HTT: variants seen among roughly 807,000 people sequenced by gnomAD.
HTT encodes the protein huntingtin, also known as huntington disease protein.
Under a neutral mutation model 362.3 loss-of-function variants are expected in HTT, and 104 were observed. That is an observed-to-expected ratio of 0.29 (90% CI 0.24 to 0.34). The LOEUF is 0.34. HTT is among the 10% of genes least tolerant of loss of function. HTT has a pLI of 1.00. For missense variants in HTT, 3,301 were observed against 3,928.6 expected (o/e 0.84, Z 4.27); for synonymous variants, 1,577 against 1,548.7 (o/e 1.02, Z -0.43).
intron 11 of HTT, 80 bp from the exon 12 acceptor site, chr4:3,127,184 T>G: frequency 9.8e-7 from 1 of 1,015,252 alleles, no homozygotes; most frequent in Non-Finnish European, 1.5e-6. Flanking sequence ...GGTGGAACTG[T>G]TCGTTATTTT....
intron 38 of HTT, 80 bp downstream of exon 38, chr4:3,186,799 C>G: frequency 3.4e-6 from 4 of 1,161,066 alleles, no homozygotes; most frequent in Non-Finnish European, 4.9e-6. Flanking sequence ...CCCAGAATGT[C>G]TGAGTCAGTC....
chr4:3,163,582 A>G (rs781259864), intron 29 of HTT, among the ~76,000 whole-genome samples: 11 of 152,112 alleles, frequency 7.2e-5, no homozygotes, highest in Non-Finnish European at 1.5e-4. Flanking sequence ...GCTATTAACT[A>G]TTGCCTCAAG....
At chr4:3,129,796 A>C in intron 12 of HTT, 128 bp from the exon 13 acceptor site, 1 of 1,108,640 alleles carries the variant, frequency 9.0e-7, no homozygotes, top group Admixed American at 1.9e-5. Flanking sequence ...CTTGAAATAA[A>C]TGACAGATGA....
intron 5 of HTT, 24 bp downstream of exon 5, chr4:3,105,460 G>A: frequency 6.6e-7 from 1 of 1,507,878 alleles, no homozygotes; most frequent in Non-Finnish European, 9.2e-7. Context: ...TCTGGATGTT[G>A]GTTTTTGTCG....
intron 2 of HTT, among the ~76,000 whole-genome samples, chr4:3,087,422 C>T (rs1713264537): frequency 6.6e-6 from 1 of 152,188 alleles, no homozygotes; most frequent in Non-Finnish European, 1.5e-5. Flanking sequence ...TCCTATTGTA[C>T]CTCTGCTCCT....
At chr4:3,229,419 CAG>C (rs369402620) in intron 59 of HTT, among the ~76,000 whole-genome samples, 22,601 of 149,050 alleles carry the variant, frequency 0.15, 2,245 homozygotes, top group African/African-American at 0.29. Context: ...GTGCCACACA[CAG>C]CACACAACCA....
In HTT at chr4:3,243,563, C is replaced by G. The variant is rs1483305684; in HGVS notation, c.*3504C>G. ...AAGGCAACCTGGAAGGTTCAGGGGC[C>G]GCTCTTCCCCCATGTGCCTGTCACG... On this transcript the variant is annotated 3_prime_UTR_variant, in exon 67 of 67. Transcript: ENST00000355072. The G allele has an allele frequency of 6.6e-6, 1 of 152,278 alleles. No individual in the cohort carries two copies. The highest frequency in any genetic ancestry group is 1.5e-5 in the Non-Finnish European group (1 of 68,062). 9.4% of individuals were successfully genotyped at this position (152,278 alleles called of 1,614,324 possible).
In HTT at chr4:3,130,482, T is replaced by A. The variant is rs1715756387; in HGVS notation, c.1986+59T>A. 9.9e-6 allele frequency: 9 copies of A among 906,354 alleles called. No homozygotes were observed. In the Admixed American group the frequency reaches 1.1e-4, roughly 11 times the overall value. The allele number at this position is 906,354 out of a possible 1,614,324, so 56.1% of individuals were successfully genotyped here. On this transcript the variant is annotated intron_variant, in intron 14 of 66. Coordinates refer to ENST00000355072, the MANE Select transcript of HTT (RefSeq NM_001388492.1). ...TCTGAGCTTGTGTGAGGATTTAAAA[T>A]CGCCCTGGCTACTGTCTACTTTATT...
At chr4:3,135,650 C>T (rs779694115) in intron 19 of HTT, among the ~76,000 whole-genome samples, 2 of 152,152 alleles carry the variant, frequency 1.3e-5, no homozygotes, top group East Asian at 1.9e-4. Flanking sequence ...AGGGCACTTA[C>T]AGAGTCTTTT....
intron 57 of HTT, among the ~76,000 whole-genome samples, chr4:3,226,895 A>G (rs1374226050): frequency 1.3e-5 from 2 of 152,218 alleles, no homozygotes; most frequent in South Asian, 2.1e-4. Flanking sequence ...TTTTCTAGAC[A>G]TAGTTGGAAA....
chr4:3,085,018 GAA>G (rs551509828), intron 1 of HTT, among the ~76,000 whole-genome samples: 1 of 148,632 alleles, frequency 6.7e-6, no homozygotes, highest in African/African-American at 2.5e-5. Flanking sequence ...CGTCTCGGGG[GAA>G]AAAAAAAAAT....
intron 6 of HTT, among the ~76,000 whole-genome samples, chr4:3,114,833 G>A (rs1268294031): frequency 6.6e-6 from 1 of 152,160 alleles, no homozygotes; most frequent in East Asian, 1.9e-4. Context: ...GGTAGTATGC[G>A]GTCATGTCCA....
chr4:3,175,696 A>G (rs1444361171), intron 33 of HTT, among the ~76,000 whole-genome samples: 4 of 152,186 alleles, frequency 2.6e-5, no homozygotes, highest in Admixed American at 2.0e-4. Context: ...GATTCTGGCT[A>G]GTCCTGTCCC....
intron 21 of HTT, among the ~76,000 whole-genome samples, chr4:3,140,201 C>T (rs1217672636): frequency 6.7e-6 from 1 of 148,498 alleles, no homozygotes; most frequent in African/African-American, 2.5e-5. Context: ...GCAGAGGTTG[C>T]AGTGAGCCAA....
Position 3,075,107 on chromosome 4 carries a change from C to CA in HTT, c.263+20dup. The CA allele has an allele frequency of 8.2e-7, 1 of 1,225,510 alleles. No homozygotes were observed. The allele number at this position is 1,225,510 out of a possible 1,614,324, so 75.9% of individuals were successfully genotyped here. ...ACCGACCGTGAGTTTGGGCCCGCTG[C>CA]AGCTCCCTGTCCCGGCGGGTCCCAG... On this transcript the variant is annotated intron_variant, in intron 1 of 66. Transcript: ENST00000355072.
intron 2 of HTT, among the ~76,000 whole-genome samples, chr4:3,093,905 G>GTTTTTTTTTTTTTTTTTTTT (rs67455911): frequency 2.1e-4 from 5 of 23,896 alleles, no homozygotes; most frequent in Admixed American, 9.4e-4. Flanking sequence ...CTTTAAGTTG[G>GTTTTTTTTTTTTTTTTTTTT]TTTTTTTTTT....
chr4:3,186,011 T>A (rs1718741147), intron 37 of HTT, among the ~76,000 whole-genome samples: 1 of 152,024 alleles, frequency 6.6e-6, no homozygotes, highest in Non-Finnish European at 1.5e-5. Context: ...CCTTGGGAGT[T>A]CTCCATTGCA....
rs1028949124 is a variant in HTT at position 3,146,848 on chromosome 4, G to A, written c.3195G>A (p.Gly1065=). Residue 1065 remains glycine (G), a synonymous_variant, in exon 25 of 67, where the codon GGG becomes GGA. Transcript: ENST00000355072. ...AGTCTAGGAAGAGCTGTACCGTTGG[G>A]ATGGCCACAATGATTCTGACCCTGC... ...SDESRKSCTV[G]MATMILTLLS... is the part of the protein sequence containing the mutation. The A allele has an allele frequency of 6.2e-6, 10 of 1,613,970 alleles. No individual in the cohort carries two copies. The South Asian group carries it at 6.6e-5, about 11-fold the overall frequency.
intron 49 of HTT, among the ~76,000 whole-genome samples, chr4:3,213,409 G>C (rs1459036876): frequency 6.6e-6 from 1 of 152,234 alleles, no homozygotes. Flanking sequence ...GCTGTATGCA[G>C]GATGAAATAC....
Sources: allele counts gnomAD v4.1 joint callset (sites outside exome capture counted in the v4.1 genomes callset), GRCh38; gene constraint gnomAD v4.1.1; transcripts MANE v1.5; gene names NCBI Gene and HGNC (gene_info 2026-07-23, HGNC 2026-07-21).